Variants in ROS1 observed in about 807,000 individuals in gnomAD.
The protein encoded by ROS1 is ROS proto-oncogene 1, receptor tyrosine kinase.
A neutral mutation model predicts 273.5 loss-of-function variants in ROS1; 263 were observed. The ratio of observed to expected loss-of-function variants is 0.96; its 90% CI spans 0.87 to 1.06. The LOEUF (loss-of-function observed/expected upper bound fraction) is 1.06. ROS1 is among the 50% of genes least tolerant of loss of function. ROS1 has a pLI of 0.00. For missense variants in ROS1, 2,833 were observed against 2,751.1 expected (o/e 1.03, Z -0.67); for synonymous variants, 1,008 against 954.1 (o/e 1.06, Z -1.04).
intron 7 of ROS1, among the ~76,000 whole-genome samples, chr6:117,397,375 C>T (rs891278383): frequency 1.3e-4 from 19 of 151,908 alleles, no homozygotes; most frequent in African/African-American, 3.9e-4. Context: ...TATACGAATA[C>T]AATAATGGCC....
intron 43 of ROS1, 65 bp from the exon 44 acceptor site, chr6:117,288,867 G>C (rs2128521565): frequency 1.5e-6 from 2 of 1,301,018 alleles, no homozygotes; most frequent in Non-Finnish European, 2.1e-6. Context: ...TAATATACAA[G>C]CTATATCAGA....
chr6:117,403,676 A>T (rs1032166093), intron 6 of ROS1, among the ~76,000 whole-genome samples: 17 of 152,150 alleles, frequency 1.1e-4, no homozygotes, highest in Admixed American at 9.8e-4. Context: ...CATCCTAGCT[A>T]GACTCATCTT....
At chr6:117,303,942 T>C (rs1420272921) in intron 42 of ROS1, among the ~76,000 whole-genome samples, 1 of 152,190 alleles carries the variant, frequency 6.6e-6, no homozygotes, top group Admixed American at 6.5e-5. Context: ...CATTATAATA[T>C]GGCATACAAA....
chr6:117,343,076 A>G lies in ROS1; in HGVS notation c.4507-532T>C, dbSNP rs115782263. ...GTTATCTGGGGTGAAGCCTAGATGC[A>G]GAGTGTTTTGTTTTTTTTTTTTAAA... is the stretch of plus-strand genomic sequence containing the variant. On this transcript the variant is annotated intron_variant, in intron 28 of 43. Coordinates refer to ENST00000368507, the MANE Select transcript of ROS1 (RefSeq NM_001378902.1). Among the ~76,000 whole-genome samples the G allele has an allele frequency of 4.0e-3, 591 of 149,398 alleles. 1 individual carries two copies. The highest frequency in any genetic ancestry group is 0.013 in the African/African-American group (547 of 40,600).
chr6:117,385,628 A>G (rs1720421491), intron 16 of ROS1, 55 bp downstream of exon 16: 7 of 1,493,892 alleles, frequency 4.7e-6, no homozygotes, highest in East Asian at 2.3e-5. Context: ...TGTGCAAGTC[A>G]CTGAAGTGGA....
chr6:117,367,829 A>T (rs1780393297), intron 18 of ROS1, among the ~76,000 whole-genome samples: 2 of 152,184 alleles, frequency 1.3e-5, no homozygotes, highest in Non-Finnish European at 2.9e-5. Context: ...AGATTGATTT[A>T]AAAAAATCAA....
chr6:117,301,776 C>A (rs1774751209), intron 42 of ROS1: 2 of 152,240 alleles, frequency 1.3e-5, no homozygotes, highest in Non-Finnish European at 2.9e-5. Flanking sequence ...TTACTCCATT[C>A]CACACAGATA....
chr6:117,422,371 G>A (rs1282690880), intron 1 of ROS1, among the ~76,000 whole-genome samples: 1 of 152,110 alleles, frequency 6.6e-6, no homozygotes, highest in Non-Finnish European at 1.5e-5. Context: ...CAGTTATGTA[G>A]GAATTTTTTA....
chr6:117,319,604 G>GA (rs1776144680), intron 37 of ROS1, among the ~76,000 whole-genome samples: 1 of 152,208 alleles, frequency 6.6e-6, no homozygotes, highest in Admixed American at 6.5e-5. Context: ...TGGCATGTTT[G>GA]AAGAAAAATG....
Position 117,404,315 on chromosome 6 carries a change from AT to A in ROS1, c.429del (p.Lys143AsnfsTer66), listed in dbSNP as rs1208310965. 6.2e-7 allele frequency: 1 copy of A among 1,613,904 alleles called. No individual in the cohort carries two copies. The highest frequency in any genetic ancestry group is 2.2e-5 in the East Asian group (1 of 44,872). Reference sequence around the variant, plus strand: ...GTCCAGCTTCCCAGAAGTTGTGCATATTTCCACTGAATGATGTATTTTACTC... The same window carrying A: ...GTCCAGCTTCCCAGAAGTTGTGCATATTCCACTGAATGATGTATTTTACTC... ...FSGVKYIIQW[K>X]YAQLLGSWTY... is the part of the protein sequence containing the mutation. On this transcript the variant is annotated frameshift_variant, in exon 6 of 44. Transcript: ENST00000368507. LOFTEE classifies it high-confidence loss of function.
intron 42 of ROS1, 53 bp from the exon 43 acceptor site, chr6:117,301,190 G>C (rs2128537524): frequency 7.0e-7 from 1 of 1,422,806 alleles, no homozygotes; most frequent in Non-Finnish European, 9.5e-7. Context: ...TATAATTACT[G>C]ATAACCCAGG....
rs984585547 is a variant in ROS1, at chr6:117,366,174, G to C, written c.2699C>G (p.Thr900Arg). ...GGTTTTCTGACCTATTTCTTGAGTT[G>C]TGATAATCCTAAAGCCATTGATCCA... ...LFWINGFRII[T>R]TQEIGQKTSV... Residue 900 changes from threonine (T) to arginine (R), a missense_variant, in exon 19 of 44, where the codon ACA becomes AGA. Transcript: ENST00000368507. The C allele has an allele frequency of 6.2e-7, 1 of 1,613,930 alleles. No individual in the cohort carries two copies. The highest frequency in any genetic ancestry group is 8.5e-7 in the Non-Finnish European group (1 of 1,179,954).
rs499992 is a variant in ROS1 at position 117,317,941 on chromosome 6, T to C, written c.5987+247A>G. ...AAAAGCCAAACAGCTTCAGAATTCATTTGCAAAACATGCTCCTTATTGAAG... is the reference window on the plus strand; with the variant it reads ...AAAAGCCAAACAGCTTCAGAATTCACTTGCAAAACATGCTCCTTATTGAAG... On this transcript the variant is annotated intron_variant, in intron 38 of 43. Transcript: ENST00000368507. Among the ~76,000 whole-genome samples the C allele has an allele frequency of 0.9, 137,571 of 152,200 alleles. 62,211 individuals are homozygous for C. Among genetic ancestry groups the C allele is most frequent in the East Asian group, 0.94 (4,873 of 5,160 alleles).
At chr6:117,399,366 G>A (rs117248956) in intron 7 of ROS1, among the ~76,000 whole-genome samples, 3,078 of 152,340 alleles carry the variant, frequency 0.02, 60 homozygotes, top group Non-Finnish European at 0.034. Context: ...TTCGAACATG[G>A]TCCTAGGCCA....
intron 27 of ROS1, 113 bp from the exon 28 acceptor site, chr6:117,344,375 A>C: frequency 1.4e-6 from 1 of 705,140 alleles, no homozygotes; most frequent in Non-Finnish European, 2.3e-6. Context: ...TAGAGCATAC[A>C]TAACTTTTGC....
At chr6:117,338,457 A>G (rs1016921099) in intron 31 of ROS1, among the ~76,000 whole-genome samples, 2 of 152,026 alleles carry the variant, frequency 1.3e-5, no homozygotes, top group Admixed American at 1.3e-4. Flanking sequence ...TGAGACATTT[A>G]GCTTAATAGC....
At chr6:117,337,422 A>G in intron 31 of ROS1, 82 bp from the exon 32 acceptor site, 1 of 1,046,346 alleles carries the variant, frequency 9.6e-7, no homozygotes. Context: ...GCTTATAGCA[A>G]GTGGTTAAAA....
chr6:117,411,596 C>G (rs915799785), intron 4 of ROS1, among the ~76,000 whole-genome samples: 3 of 152,104 alleles, frequency 2.0e-5, no homozygotes, highest in Non-Finnish European at 4.4e-5. Context: ...CTTTATTGTC[C>G]CTCTGGCTCC....
At chr6:117,316,161 A>G (rs1582597157) in intron 39 of ROS1, among the ~76,000 whole-genome samples, 1 of 152,226 alleles carries the variant, frequency 6.6e-6, no homozygotes, top group South Asian at 2.1e-4. Context: ...ATGGACAGGT[A>G]TATTATGAGG....
Sources: gnomAD v4.1 joint callset for allele counts (sites outside exome capture counted in the v4.1 genomes callset) on GRCh38, gnomAD v4.1.1 for gene constraint, MANE v1.5 for transcripts, NCBI Gene and HGNC (gene_info 2026-07-23, HGNC 2026-07-21) for gene names.